The following FSCN2 variants were observed in gnomAD, a reference collection of about 807,000 sequenced individuals.
FSCN2 encodes the protein fascin-2.
Under a neutral mutation model 37.8 loss-of-function variants are expected in FSCN2, and 46 were observed. The ratio of observed to expected loss-of-function variants is 1.22; its 90% CI spans 0.96 to 1.56. The LOEUF (loss-of-function observed/expected upper bound fraction) is 1.56. FSCN2 is among the 40% of genes most tolerant of loss of function. The pLI is 0.00. For missense variants in FSCN2, 844 were observed against 730.4 expected (o/e 1.16, Z -1.79); for synonymous variants, 351 against 309.4 (o/e 1.13, Z -1.41).
chr17:81,536,379 C>T (rs969729874), intron 3 of FSCN2, 112 bp downstream of exon 3: 38 of 1,459,992 alleles, frequency 2.6e-5, no homozygotes, highest in Middle Eastern at 4.3e-4. Context: ...GCCCACGGAA[C>T]GGGTGCTGTC....
chr17:81,520,272 T>A, the FSCN2 span, among the ~76,000 whole-genome samples: 1 of 151,966 alleles, frequency 6.6e-6, no homozygotes, highest in African/African-American at 2.4e-5. Context: ...GAGAACACAC[T>A]CAGGAGGTGA....
chr17:81,532,787 G>GTAAC (rs371331436), intron 1 of FSCN2, among the ~76,000 whole-genome samples: 20 of 151,688 alleles, frequency 1.3e-4, no homozygotes, highest in Non-Finnish European at 2.5e-4. Context: ...GGTGCTGACA[G>GTAAC]AGTGGTGGAG....
In FSCN2 at chr17:81,528,418, G is replaced by A. The variant is rs1474076925; in HGVS notation, c.-114G>A. The stretch of plus-strand genomic sequence containing the variant: ...AGGCAGGGGGTTCGTGACGCCGGCT[G>A]GGTCTGGGGGCTGTGGGCCAGCCGA... On this transcript the variant is annotated 5_prime_UTR_variant, in exon 1 of 5. Transcript: ENST00000417245. 1.3e-6 allele frequency: 1 copy of A among 749,802 alleles called. No homozygotes were observed. Among genetic ancestry groups the A allele is most frequent in the Non-Finnish European group, 2.2e-6 (1 of 462,500 alleles). 46.4% of individuals were successfully genotyped at this position (749,802 alleles called of 1,614,324 possible). A position where few individuals can be genotyped will look rare whatever the true frequency, so the allele number is the denominator to read the frequency against.
chr17:81,536,255 A>G lies in FSCN2; in HGVS notation c.1093A>G (p.Ser365Gly). ...MKKNGQLAAISDFVGKDEEFT... is the reference protein window; with the variant it reads ...MKKNGQLAAIGDFVGKDEEFT... ...GAAGAATGGGCAGCTGGCGGCTATCAGCGATTTTGTCGGTGAGCACTCTGC... is the reference window on the plus strand; with the variant it reads ...GAAGAATGGGCAGCTGGCGGCTATCGGCGATTTTGTCGGTGAGCACTCTGC... Residue 365 changes from serine to glycine, a missense_variant, in exon 3 of 5, where the codon AGC becomes GGC. Ser to Gly is a moderately conservative substitution (Grantham distance 56). Transcript: ENST00000417245. 6.3e-7 allele frequency: 1 copy of G among 1,599,744 alleles called. No individual in the cohort carries two copies.
the FSCN2 span, among the ~76,000 whole-genome samples, chr17:81,520,394 C>T: frequency 6.6e-6 from 1 of 152,178 alleles, no homozygotes; most frequent in Non-Finnish European, 1.5e-5. Context: ...CCTGGGGAGC[C>T]CCCTATGCCT....
chr17:81,521,261 T>G, the FSCN2 span, among the ~76,000 whole-genome samples: 4 of 152,028 alleles, frequency 2.6e-5, no homozygotes, highest in East Asian at 7.7e-4. Context: ...AGAGACAGGG[T>G]TTCTCCATGT....
upstream of FSCN2, among the ~76,000 whole-genome samples, chr17:81,526,011 A>G (rs1348735450): frequency 2.6e-5 from 4 of 152,170 alleles, no homozygotes; most frequent in African/African-American, 9.7e-5. Flanking sequence ...CCCAACGTGG[A>G]GCTGTGGGGC....
the FSCN2 span, among the ~76,000 whole-genome samples, chr17:81,516,090 C>T: frequency 2.0e-5 from 3 of 152,354 alleles, no homozygotes; most frequent in Admixed American, 6.5e-5. Flanking sequence ...GTGATCCACT[C>T]GCCTAGGCCT....
In FSCN2 at chr17:81,536,613, C is replaced by G; in HGVS notation, c.1106-9C>G. ...GGAGGGGCAGCGCAGCAGACGCTCT[C>G]CCCGCCAGGCAAGGACGAAGAGTTC... On this transcript the variant is annotated splice_polypyrimidine_tract_variant and intron_variant, in intron 3 of 4. Coordinates refer to ENST00000417245, the MANE Select transcript of FSCN2 (RefSeq NM_012418.4). 1 of 1,607,894 alleles carries G rather than the reference C, an allele frequency of 6.2e-7. No homozygotes were observed. Among genetic ancestry groups the G allele is most frequent in the Non-Finnish European group, 8.5e-7 (1 of 1,179,608 alleles).
Position 81,536,910 on chromosome 17 carries a change from G to C in FSCN2, c.1309G>C (p.Gly437Arg), listed in dbSNP as rs368990075. 1 of 1,576,570 alleles carries C rather than the reference G, an allele frequency of 6.3e-7. No homozygotes were observed. Among genetic ancestry groups the C allele is most frequent in the Non-Finnish European group, 8.6e-7 (1 of 1,164,784 alleles). ...AGGGTTCTGGTACACGGGCAGCCAC[G>C]GCAGCGTGTGCAGCGACGGCGAACG... ...DGGFWYTGSH[G>R]SVCSDGERAE... is the part of the protein sequence containing the mutation. The change falls in exon 5 of 5, where the codon GGC becomes CGC. Residue 437 changes from glycine (G) to arginine (R), a missense_variant. By Grantham distance (125) the Gly-to-Arg change is moderately radical. Coordinates refer to ENST00000417245, the MANE Select transcript of FSCN2 (RefSeq NM_012418.4).
Position 81,528,896 on chromosome 17 carries a change from C to A in FSCN2, c.365C>A (p.Ala122Asp), listed in dbSNP as rs1275222892. ...ACCGAGGACCAGCTGTCCTGCTTCG[C>A]CACAGCCGTTTCCCCGGCCGAGCTG... ...GGTEDQLSCFATAVSPAELWT... is the reference protein window; with the variant it reads ...GGTEDQLSCFDTAVSPAELWT... The change falls in exon 1 of 5, where the codon GCC becomes GAC. Residue 122 changes from alanine to aspartate, a missense_variant. Coordinates refer to ENST00000417245, the MANE Select transcript of FSCN2 (RefSeq NM_012418.4). 1.9e-6 allele frequency: 3 copies of A among 1,580,592 alleles called. No individual in the cohort carries two copies. Among genetic ancestry groups the A allele is most frequent in the Non-Finnish European group, 2.6e-6 (3 of 1,166,970 alleles).
At chr17:81,533,031 A>ACATGGCATCTCAGTCCTGGGG (rs1387820190) in intron 1 of FSCN2, among the ~76,000 whole-genome samples, 2 of 152,120 alleles carry the variant, frequency 1.3e-5, no homozygotes, top group African/African-American at 2.4e-5. Context: ...AGGGAGCGGG[A>ACATGGCATCTCAGTCCTGGGG]CATGGCATCT....
the FSCN2 span, among the ~76,000 whole-genome samples, chr17:81,518,792 T>TAG: frequency 1.3e-5 from 2 of 152,286 alleles, no homozygotes; most frequent in Middle Eastern, 3.4e-3. Context: ...CCTCTCCAGG[T>TAG]GTCTCCACTC....
rs1555670556 is a variant in FSCN2, at chr17:81,528,675, G to A, written c.144G>A (p.Leu48=). The change falls in exon 1 of 5, where the codon CTG becomes CTA. Residue 48 remains leucine, a synonymous_variant. Transcript: ENST00000417245. ...TCAAGAGGAAGCAGACCTGGGTGCT[G>A]GAACCCGACCCAGGACAAGGCACGG... The part of the protein sequence containing the change: ...PSLKRKQTWV[L]EPDPGQGTAV... 1.1e-5 allele frequency: 17 copies of A among 1,601,546 alleles called. No homozygotes were observed. Among genetic ancestry groups the A allele is most frequent in the Admixed American group, 5.1e-5 (3 of 58,338 alleles).
At position 81,528,896 on chromosome 17, in the gene FSCN2, C is replaced by T; in HGVS notation, c.365C>T (p.Ala122Val). 3 of 1,580,710 alleles carry T rather than the reference C, an allele frequency of 1.9e-6. No homozygotes were observed. Among genetic ancestry groups the T allele is most frequent in the Non-Finnish European group, 2.6e-6 (3 of 1,166,962 alleles). Residue 122 changes from alanine to valine, a missense_variant, in exon 1 of 5, where the codon GCC becomes GTC. Coordinates refer to ENST00000417245, the MANE Select transcript of FSCN2 (RefSeq NM_012418.4). The part of the protein sequence containing the change: ...GGTEDQLSCF[A>V]TAVSPAELWT... ...ACCGAGGACCAGCTGTCCTGCTTCG[C>T]CACAGCCGTTTCCCCGGCCGAGCTG...
In FSCN2 at chr17:81,531,279, GTGA is replaced by G. The variant is rs1568077011; in HGVS notation, c.826+1925_826+1927del. On this transcript the variant is annotated intron_variant, in intron 1 of 4. Transcript: ENST00000417245. ...GGTGATGATGGTGGTGATGGCGGTG[GTGA>G]TGGTGATGGTGGTGATGGTGATGGT... Among the ~76,000 whole-genome samples, 89 of 55,418 alleles carry G rather than the reference GTGA, an allele frequency of 1.6e-3. 1 individual carries two copies. Among genetic ancestry groups the G allele is most frequent in the Middle Eastern group, 0.011 (1 of 88 alleles). 36.4% of individuals were successfully genotyped at this position (55,418 alleles called of 152,430 possible).
chr17:81,531,180 ATGATGGTGGTGATGGTGG>A (rs879954358), intron 1 of FSCN2, among the ~76,000 whole-genome samples: 4 of 115,694 alleles, frequency 3.5e-5, no homozygotes, highest in Admixed American at 1.6e-4. Context: ...GGTGATGGTG[ATGATGGTGGTGATGGTGG>A]TGATGGTGGT....
intron 3 of FSCN2, 92 bp downstream of exon 3, chr17:81,536,359 AC>A: frequency 2.0e-6 from 3 of 1,487,618 alleles, no homozygotes; most frequent in Non-Finnish European, 2.7e-6. Context: ...CAAGAGCTGG[AC>A]CCTCCCCAGC....
chr17:81,528,928 G>C lies in FSCN2; in HGVS notation c.397G>C (p.Val133Leu), dbSNP rs373996403. The C allele has an allele frequency of 1.7e-4, 275 of 1,591,252 alleles. No homozygotes were observed. Among genetic ancestry groups the C allele is most frequent in the Non-Finnish European group, 2.3e-4 (267 of 1,172,674 alleles). ...TAVSPAELWTVHLAIHPQAHL... is the reference protein window; with the variant it reads ...TAVSPAELWTLHLAIHPQAHL... The stretch of plus-strand genomic sequence containing the variant: ...CGTTTCCCCGGCCGAGCTGTGGACC[G>C]TGCACCTGGCCATCCACCCGCAGGC... The change falls in exon 1 of 5, where the codon GTG becomes CTG. Residue 133 changes from valine to leucine, a missense_variant. Val to Leu is a conservative substitution (Grantham distance 32, BLOSUM62 1). Coordinates refer to ENST00000417245, the MANE Select transcript of FSCN2 (RefSeq NM_012418.4).
Sources: gnomAD v4.1 joint callset for allele counts (sites outside exome capture counted in the v4.1 genomes callset) on GRCh38, gnomAD v4.1.1 for gene constraint, MANE v1.5 for transcripts, NCBI Gene and HGNC (gene_info 2026-07-23, HGNC 2026-07-21) for gene names.